BEND3: variants seen among roughly 807,000 people sequenced by gnomAD.
BEND3 encodes BEN domain-containing protein 3.
A neutral mutation model predicts 60.1 loss-of-function variants in BEND3; 13 were observed. That is an observed-to-expected ratio of 0.22 (90% CI 0.14 to 0.34). The LOEUF (loss-of-function observed/expected upper bound fraction) is 0.34, where lower values mean the gene tolerates loss of function less well. BEND3 is among the 10% of genes least tolerant of loss of function. The pLI, the probability that BEND3 is intolerant of heterozygous loss-of-function variation, is 1.00. For synonymous variants in BEND3, 497 were observed against 491.5 expected, an observed-to-expected ratio of 1.01 and a Z score of -0.15; for missense variants, 896 against 1,138.1, an observed-to-expected ratio of 0.79 and a Z score of 3.06.
chr6:107,090,942 T>G (rs1775463020), intron 3 of BEND3, among the ~76,000 whole-genome samples: 1 of 151,932 alleles, frequency 6.6e-6, no homozygotes, highest in Non-Finnish European at 1.5e-5. Context: ...AAACCCCGTC[T>G]CTACTAAAAA....
At chr6:107,096,942 G>A (rs1422625687) in intron 3 of BEND3, among the ~76,000 whole-genome samples, 3 of 151,990 alleles carry the variant, frequency 2.0e-5, no homozygotes, top group African/African-American at 4.8e-5. Context: ...CTGAGATTGC[G>A]CCACTGCATT....
At chr6:107,103,149 C>T (rs1372007641) in intron 1 of BEND3, among the ~76,000 whole-genome samples, 7 of 152,184 alleles carry the variant, frequency 4.6e-5, no homozygotes, top group Admixed American at 4.6e-4. Context: ...CTCCACCCCA[C>T]AATACAGAAA....
chr6:107,086,660 T>TTTCCTCTCCCCC (rs1775355107), intron 3 of BEND3, among the ~76,000 whole-genome samples: 1 of 151,912 alleles, frequency 6.6e-6, no homozygotes, highest in African/African-American at 2.4e-5. Flanking sequence ...TGCCCTCCCC[T>TTTCCTCTCCCCC]TTCCTCTCCC....
intron 1 of BEND3, among the ~76,000 whole-genome samples, chr6:107,102,148 C>A (rs1775714036): frequency 6.6e-6 from 1 of 152,086 alleles, no homozygotes; most frequent in Non-Finnish European, 1.5e-5. Flanking sequence ...GAGAACACAG[C>A]AGACAGGGCC....
intron 3 of BEND3, among the ~76,000 whole-genome samples, chr6:107,087,486 G>A (rs782331412): frequency 1.3e-5 from 2 of 151,910 alleles, no homozygotes; most frequent in Admixed American, 6.6e-5. Context: ...TCGGCGAGGC[G>A]CAAGCACTTT....
chr6:107,111,454 T>C (rs974114525), intron 1 of BEND3, among the ~76,000 whole-genome samples: 1 of 151,726 alleles, frequency 6.6e-6, no homozygotes, highest in Non-Finnish European at 1.5e-5. Flanking sequence ...TAGGATGCAC[T>C]GAGCCGAGAT....
At chr6:107,095,297 G>A (rs1554235815) in intron 3 of BEND3, among the ~76,000 whole-genome samples, 3 of 151,978 alleles carry the variant, frequency 2.0e-5, no homozygotes. Flanking sequence ...GAATAGCCTG[G>A]GCAACATAGT....
Position 107,068,803 on chromosome 6 carries a change from C to T in BEND3, c.2388G>A (p.Val796=), listed in dbSNP as rs782667678. ...AVYPVEKMEE[V]WHYECIPSID... is the part of the protein sequence containing the mutation. The stretch of plus-strand genomic sequence containing the variant: ...TGCTGGGGATACATTCGTAGTGCCA[C>T]ACCTCCTCCATCTTCTCCACCGGGT... The change falls in exon 4 of 4, where the codon GTG becomes GTA. Residue 796 remains valine (V), a synonymous_variant. Coordinates refer to ENST00000369042, the MANE Select transcript of BEND3 (RefSeq NM_001367314.1). The surrounding 1 kb of genome is among the most constrained non-coding windows in gnomAD (Gnocchi z 5.8). 1.2e-6 allele frequency: 2 copies of T among 1,614,146 alleles called. No individual in the cohort carries two copies. Among genetic ancestry groups the T allele is most frequent in the Non-Finnish European group, 8.5e-7 (1 of 1,180,052 alleles).
chr6:107,091,413 T>C (rs1039774219), intron 3 of BEND3, among the ~76,000 whole-genome samples: 3 of 152,064 alleles, frequency 2.0e-5, no homozygotes, highest in Non-Finnish European at 4.4e-5. Flanking sequence ...TCCATATGCC[T>C]CTAGCAGGCT....
Position 107,065,425 on chromosome 6 carries a change from C to T in BEND3, c.*3279G>A, listed in dbSNP as rs550361059. The T allele has an allele frequency of 1.3e-5, 2 of 152,628 alleles. No homozygotes were observed. Among genetic ancestry groups the T allele is most frequent in the Non-Finnish European group, 2.9e-5 (2 of 68,012 alleles). The allele number at this position is 152,628 out of a possible 1,614,324, so 9.5% of individuals were successfully genotyped here. A position where few individuals can be genotyped will look rare whatever the true frequency, so the allele number is the denominator to read the frequency against. The stretch of plus-strand genomic sequence containing the variant: ...TATTAAGTCTGATATCCACTTTGTG[C>T]AGGGTCTGCTATTACTAGGATGTCA... On this transcript the variant is annotated 3_prime_UTR_variant, in exon 4 of 4. Transcript: ENST00000369042.
At chr6:107,109,413 A>G (rs2115039087) in intron 1 of BEND3, among the ~76,000 whole-genome samples, 1 of 137,208 alleles carries the variant, frequency 7.3e-6, no homozygotes, top group East Asian at 2.3e-4. Context: ...GTTGCACTCC[A>G]GCCTGGGTGA....
intron 1 of BEND3, among the ~76,000 whole-genome samples, chr6:107,112,523 T>C (rs1770128447): frequency 6.6e-6 from 1 of 152,006 alleles, no homozygotes; most frequent in Non-Finnish European, 1.5e-5. Context: ...TTATATTAGT[T>C]CTTCAGCAAG....
At chr6:107,083,536 C>T (rs311224) in intron 3 of BEND3, among the ~76,000 whole-genome samples, 1 of 151,728 alleles carries the variant, frequency 6.6e-6, no homozygotes, top group Admixed American at 6.6e-5. Flanking sequence ...ATTTGGGAGG[C>T]TGAGGTGGGA....
intron 3 of BEND3, among the ~76,000 whole-genome samples, chr6:107,073,455 CATG>C (rs1201134453): frequency 6.6e-6 from 1 of 151,642 alleles, no homozygotes; most frequent in African/African-American, 2.4e-5. Flanking sequence ...TGTCAAACTG[CATG>C]ATGGTTGTGC....
chr6:107,097,374 G>GA (rs111266081), intron 3 of BEND3, among the ~76,000 whole-genome samples: 62 of 113,464 alleles, frequency 5.5e-4, no homozygotes, highest in East Asian at 5.1e-3. Flanking sequence ...TCTCAAAGAT[G>GA]AAAAAAAAAA....
intron 3 of BEND3, among the ~76,000 whole-genome samples, chr6:107,084,258 G>A (rs1232531741): frequency 1.3e-5 from 2 of 152,354 alleles, no homozygotes; most frequent in East Asian, 1.9e-4. Flanking sequence ...TGCTGGAGAC[G>A]CAGTGTGGAC....
intron 3 of BEND3, among the ~76,000 whole-genome samples, chr6:107,074,172 T>C (rs1775050073): frequency 6.6e-6 from 1 of 152,146 alleles, no homozygotes; most frequent in South Asian, 2.1e-4. Flanking sequence ...TCCCAGCACT[T>C]TGGGAGGCCG....
chr6:107,098,420 T>A (rs1371840843), intron 3 of BEND3, 131 bp downstream of exon 3: 1 of 863,750 alleles, frequency 1.2e-6, no homozygotes, highest in Non-Finnish European at 1.8e-6. Context: ...AGAGATGGGA[T>A]AGCTTAAATG....
intron 1 of BEND3, among the ~76,000 whole-genome samples, chr6:107,112,329 G>A (rs555863696): frequency 6.6e-6 from 1 of 152,278 alleles, no homozygotes; most frequent in East Asian, 1.9e-4. Context: ...CTATGCTTCT[G>A]CTCACACAGG....
Sources: gnomAD v4.1 joint callset for allele counts (sites outside exome capture counted in the v4.1 genomes callset) on GRCh38, gnomAD v4.1.1 for gene constraint, Gnocchi (gnomAD v3.1) non-coding constraint, MANE v1.5 for transcripts, NCBI Gene and HGNC (gene_info 2026-07-23, HGNC 2026-07-21) for gene names.